ANK2: variants seen among roughly 807,000 people sequenced by gnomAD.
ANK2 encodes the protein ankyrin 2, also known as ankyrin-2.
ANK2 carries 83 observed loss-of-function variants against 360.5 expected under a neutral mutation model. The observed-to-expected ratio is 0.23, with a 90% confidence interval of 0.19 to 0.28. The LOEUF is 0.28. Ranked by LOEUF, ANK2 falls within the 10% of genes least tolerant of loss-of-function variation. The pLI is 1.00. For synonymous variants in ANK2, 1,740 were observed against 1,759.5 expected, an observed-to-expected ratio of 0.99 and a Z score of 0.28; for missense variants, 4,201 against 4,795.7, an observed-to-expected ratio of 0.88 and a Z score of 3.66.
chr4:112,830,622 T>A (rs944387901), intron 1 of ANK2, among the ~76,000 whole-genome samples: 20 of 152,150 alleles, frequency 1.3e-4, no homozygotes, highest in African/African-American at 4.6e-4. Flanking sequence ...ATTATTATTT[T>A]TTTTTGAGAC....
chr4:113,088,745 A>G (rs1327505526), intron 1 of ANK2, among the ~76,000 whole-genome samples: 1 of 152,156 alleles, frequency 6.6e-6, no homozygotes, highest in Non-Finnish European at 1.5e-5. Flanking sequence ...AACTGTCACA[A>G]TTGTTGCACA....
chr4:112,831,294 C>T (rs970867148), intron 1 of ANK2, among the ~76,000 whole-genome samples: 7 of 152,200 alleles, frequency 4.6e-5, no homozygotes, highest in African/African-American at 1.4e-4. Flanking sequence ...ACATGGAGAA[C>T]TTTTATGCCT....
the ANK2 span, among the ~76,000 whole-genome samples, chr4:112,811,889 C>A: frequency 1.3e-5 from 2 of 152,068 alleles, no homozygotes; most frequent in African/African-American, 2.4e-5. Flanking sequence ...TCCTGGCTAA[C>A]ACGGTGAAAC....
intron 9 of ANK2, 95 bp downstream of exon 9, chr4:113,242,304 T>A: frequency 1.8e-6 from 2 of 1,088,578 alleles, no homozygotes; most frequent in Non-Finnish European, 2.8e-6. Context: ...ACATAAGCAA[T>A]GTGTTTTCAA....
chr4:113,358,401 C>G lies in ANK2; in HGVS notation c.9783C>G (p.Leu3261=). 6.2e-7 allele frequency: 1 copy of G among 1,614,100 alleles called. No homozygotes were observed. Among genetic ancestry groups the G allele is most frequent in the Non-Finnish European group, 8.5e-7 (1 of 1,179,978 alleles). ...AVQVQLDFST[L]TRSVYSDRGD... ...AAGTCCAGTTAGATTTTTCCACACTCACCAGGTCTGTTTATTCAGATAGGG... is the reference window on the plus strand; with the variant it reads ...AAGTCCAGTTAGATTTTTCCACACTGACCAGGTCTGTTTATTCAGATAGGG... The change falls in exon 38 of 46, where the codon CTC becomes CTG. Residue 3261 remains leucine, a synonymous_variant. Coordinates refer to ENST00000357077, the MANE Select transcript of ANK2 (RefSeq NM_001148.6).
chr4:113,353,941 A>G lies in ANK2; in HGVS notation c.5323A>G (p.Lys1775Glu). ...SIKDKVKALQ[K>E]RVEDEQKGRS... ...AAAGGACAAAGTAAAGGCCCTTCAG[A>G]AGCGAGTGGAAGATGAACAGAAAGG... The change falls in exon 38 of 46, where the codon AAG becomes GAG. Residue 1775 changes from lysine to glutamate, a missense_variant. Transcript: ENST00000357077. The G allele has an allele frequency of 6.2e-7, 1 of 1,614,120 alleles. No individual in the cohort carries two copies. Among genetic ancestry groups the G allele is most frequent in the South Asian group, 1.1e-5 (1 of 91,072 alleles).
At chr4:113,241,622 G>A (rs1041497471) in intron 8 of ANK2, among the ~76,000 whole-genome samples, 1 of 152,152 alleles carries the variant, frequency 6.6e-6, no homozygotes, top group East Asian at 1.9e-4. Flanking sequence ...TTACAGACAT[G>A]AGCCACCATG....
chr4:113,075,014 G>A (rs1480099149), intron 1 of ANK2, among the ~76,000 whole-genome samples: 2 of 152,142 alleles, frequency 1.3e-5, no homozygotes, highest in African/African-American at 2.4e-5. Context: ...CCTCAGATGA[G>A]CAGCATTGGC....
intron 1 of ANK2, among the ~76,000 whole-genome samples, chr4:113,173,562 TA>T (rs760587802): frequency 8.5e-5 from 13 of 152,296 alleles, no homozygotes; most frequent in Non-Finnish European, 1.3e-4. Context: ...TGTTAAGGTT[TA>T]AAAGTCAGAC....
the ANK2 span, among the ~76,000 whole-genome samples, chr4:112,763,992 G>T: frequency 6.6e-6 from 1 of 152,114 alleles, no homozygotes; most frequent in Non-Finnish European, 1.5e-5. Context: ...CGTCCAGGCT[G>T]GAGTGCAGTG....
chr4:113,061,062 A>G (rs1029646923), intron 1 of ANK2, among the ~76,000 whole-genome samples: 1 of 152,112 alleles, frequency 6.6e-6, no homozygotes, highest in Non-Finnish European at 1.5e-5. Flanking sequence ...TGATTGGCCT[A>G]TTACATGGGG....
chr4:113,365,229 G>GTTGTGTC lies in ANK2; in HGVS notation c.11032+48_11032+49insTGTGTCT, dbSNP rs764649161. 5.8e-6 allele frequency: 9 copies of GTTGTGTC among 1,547,104 alleles called. No homozygotes were observed. In the South Asian group the frequency reaches 8.0e-5, roughly 14 times the overall value. On this transcript the variant is annotated intron_variant, in intron 41 of 45. Transcript: ENST00000357077. Reference sequence around the variant, plus strand: ...TGTGTGTGTGTGTGTGTGTGTGTGTGTGTTGTGTCTGTGTGTGGTTAATTG... The same window carrying GTTGTGTC: ...TGTGTGTGTGTGTGTGTGTGTGTGTGTTGTGTCTGTTGTGTCTGTGTGTGGTTAATTG...
chr4:112,987,820 A>C (rs569937258), intron 2 of ANK2, among the ~76,000 whole-genome samples: 2 of 152,244 alleles, frequency 1.3e-5, no homozygotes, highest in Admixed American at 1.3e-4. Flanking sequence ...AAACAACTAT[A>C]ACATATATGT....
the ANK2 span, among the ~76,000 whole-genome samples, chr4:112,796,292 G>T: frequency 6.6e-6 from 1 of 151,946 alleles, no homozygotes; most frequent in Non-Finnish European, 1.5e-5. Flanking sequence ...ATGTGGTGGT[G>T]CATGCCTGTA....
intron 9 of ANK2, among the ~76,000 whole-genome samples, chr4:113,245,827 G>A (rs965248788): frequency 4.6e-5 from 7 of 151,486 alleles, no homozygotes; most frequent in Non-Finnish European, 1.0e-4. Flanking sequence ...TTTTGAGACG[G>A]AGTTTTCACT....
Position 113,355,381 on chromosome 4 carries a change from G to A in ANK2, c.6763G>A (p.Glu2255Lys). The A allele has an allele frequency of 6.2e-7, 1 of 1,614,030 alleles. No homozygotes were observed. Among genetic ancestry groups the A allele is most frequent in the East Asian group, 2.2e-5 (1 of 44,850 alleles). ...ESLSFSPKKS[E>K]EQTGETKEST... ...CCTTTCTTTCTCACCAAAGAAAAGT[G>A]AGGAGCAAACTGGGGAAACAAAGGA... The change falls in exon 38 of 46, where the codon GAG (glutamate) becomes AAG (lysine). Residue 2255 changes from glutamate to lysine, a missense_variant. Physicochemically the swap from Glu to Lys is moderately conservative, Grantham distance 56 (BLOSUM62 1). Coordinates refer to ENST00000357077, the MANE Select transcript of ANK2 (RefSeq NM_001148.6).
chr4:113,164,434 G>C (rs1332251377), intron 1 of ANK2, among the ~76,000 whole-genome samples: 1 of 152,134 alleles, frequency 6.6e-6, no homozygotes, highest in Non-Finnish European at 1.5e-5. Context: ...TCTATTTTTT[G>C]TTCAATCCTG....
chr4:113,219,858 C>A (rs1165716470), intron 4 of ANK2, among the ~76,000 whole-genome samples: 1 of 151,946 alleles, frequency 6.6e-6, no homozygotes, highest in Non-Finnish European at 1.5e-5. Flanking sequence ...TGGTATATAC[C>A]AGACTAGGAT....
chr4:113,196,284 T>C (rs752293759), intron 2 of ANK2, 84 bp from the exon 3 acceptor site: 7 of 1,027,210 alleles, frequency 6.8e-6, no homozygotes, highest in Non-Finnish European at 1.1e-5. Context: ...CTGTCTGTTC[T>C]CTGGGTTATA....
Sources: gnomAD v4.1 joint callset for allele counts (sites outside exome capture counted in the v4.1 genomes callset) on GRCh38, gnomAD v4.1.1 for gene constraint, MANE v1.5 for transcripts, NCBI Gene and HGNC (gene_info 2026-07-23, HGNC 2026-07-21) for gene names.